Variants in RCHY1 observed in about 807,000 individuals in gnomAD.
RCHY1 encodes the protein RING finger and CHY zinc finger domain-containing protein 1.
Under a neutral mutation model 41.6 loss-of-function variants are expected in RCHY1, and 21 were observed. That is an observed-to-expected ratio of 0.51 (90% CI 0.36 to 0.73). RCHY1 has a LOEUF of 0.73. Ranked by LOEUF, RCHY1 falls within the 30% of genes least tolerant of loss-of-function variation. RCHY1 has a pLI of 0.00. For missense variants in RCHY1, 265 were observed against 325.3 expected (o/e 0.81, Z 1.43); for synonymous variants, 79 against 102.9 (o/e 0.77, Z 1.41).
At chr4:75,506,101 A>AG (rs1248784001) in intron 3 of RCHY1, among the ~76,000 whole-genome samples, 18 of 117,682 alleles carry the variant, frequency 1.5e-4, no homozygotes, top group South Asian at 2.5e-4. Context: ...GAATAAAGGG[A>AG]GGAAAAAAAA....
At chr4:75,487,835 TCATAATATATATTC>T in intron 8 of RCHY1, among the ~76,000 whole-genome samples, 1 of 106,694 alleles carries the variant, frequency 9.4e-6, no homozygotes, top group Admixed American at 1.1e-4. Flanking sequence ...ATATATATAT[TCATAATATATATTC>T]ATAATATATA....
intron 3 of RCHY1, among the ~76,000 whole-genome samples, chr4:75,499,541 T>C (rs529932246): frequency 2.5e-4 from 38 of 152,256 alleles, no homozygotes; most frequent in African/African-American, 8.4e-4. Flanking sequence ...AGTGGATGAA[T>C]GGATAAAGAA....
chr4:75,499,911 C>A (rs952631470), intron 3 of RCHY1, among the ~76,000 whole-genome samples: 2 of 152,158 alleles, frequency 1.3e-5, no homozygotes, highest in Non-Finnish European at 2.9e-5. Context: ...TTCAAACTAG[C>A]TAAAAGAGAA....
In RCHY1 at chr4:75,491,738, T is replaced by C. The variant is rs745362720; in HGVS notation, c.495A>G (p.Gly165=). 1.2e-6 allele frequency: 2 copies of C among 1,612,708 alleles called. No individual in the cohort carries two copies. The highest frequency in any genetic ancestry group is 2.7e-5 in the African/African-American group (2 of 74,854). The change falls in exon 6 of 9, where the codon GGA becomes GGG. Residue 165 remains glycine, a synonymous_variant. Coordinates refer to ENST00000324439, the MANE Select transcript of RCHY1 (RefSeq NM_015436.4). ...TGTTACTTTACCTATGTAAAAGATG[T>C]CCACATGGCAAGACATGAGCAACAA... ...SRVVAHVLPC[G]HLLHRTCYEE... is the part of the protein sequence containing the mutation.
At chr4:75,503,575 A>G (rs948718333) in intron 3 of RCHY1, among the ~76,000 whole-genome samples, 25 of 152,042 alleles carry the variant, frequency 1.6e-4, no homozygotes, top group Admixed American at 4.6e-4. Flanking sequence ...AGTGCCTGTA[A>G]TCCCAGCTAC....
chr4:75,491,931 A>G lies in RCHY1; in HGVS notation c.408T>C (p.Cys136=). The change falls in exon 5 of 9, where the codon TGT becomes TGC. Residue 136 remains cysteine, a splice_region_variant and synonymous_variant. Transcript: ENST00000324439. ...LAMNLQGRHK[C]IENVSRQNCP... ...AATTCTGTCGGGACACATTTTCAATACACTGTTTAAAAGAGAAATTCACAT... is the reference window on the plus strand; with the variant it reads ...AATTCTGTCGGGACACATTTTCAATGCACTGTTTAAAAGAGAAATTCACAT... 1.2e-6 allele frequency: 2 copies of G among 1,601,240 alleles called. No homozygotes were observed. Among genetic ancestry groups the G allele is most frequent in the Non-Finnish European group, 1.7e-6 (2 of 1,174,972 alleles).
rs915777856 is a variant in RCHY1, at chr4:75,480,549, A to G, written c.*1989T>C. On this transcript the variant is annotated 3_prime_UTR_variant, in exon 9 of 9. Coordinates refer to ENST00000324439, the MANE Select transcript of RCHY1 (RefSeq NM_015436.4). Reference sequence around the variant, plus strand: ...TGTCTATGAGGACAACACTTACCCCACAGAATCATTGTAGTAATTAATGCT... The same window carrying G: ...TGTCTATGAGGACAACACTTACCCCGCAGAATCATTGTAGTAATTAATGCT... 6.6e-6 allele frequency: 1 copy of G among 152,220 alleles called. No individual in the cohort carries two copies. The highest frequency in any genetic ancestry group is 2.4e-5 in the African/African-American group (1 of 41,476). The allele number at this position is 152,220 out of a possible 1,614,324, so 9.4% of individuals were successfully genotyped here. A position where few individuals can be genotyped will look rare whatever the true frequency, so the allele number is the denominator to read the frequency against.
At chr4:75,514,488 C>T (rs1003660433), upstream of RCHY1, 6 of 544,152 alleles carry the variant, frequency 1.1e-5, no homozygotes, top group Admixed American at 3.1e-5. Flanking sequence ...CAGTCTCCGT[C>T]GTTGACGTTA....
rs1023677206 is a variant in RCHY1, at chr4:75,481,076, A to G, written c.*1462T>C. The G allele has an allele frequency of 4.6e-5, 7 of 152,306 alleles. No individual in the cohort carries two copies. Among genetic ancestry groups the G allele is most frequent in the African/African-American group, 1.7e-4 (7 of 41,466 alleles). 9.4% of individuals were successfully genotyped at this position (152,306 alleles called of 1,614,324 possible). A position where few individuals can be genotyped will look rare whatever the true frequency, so the allele number is the denominator to read the frequency against. On this transcript the variant is annotated 3_prime_UTR_variant, in exon 9 of 9. Transcript: ENST00000324439. The stretch of plus-strand genomic sequence containing the variant: ...CAGGAACATCCTTTCCCAAATGAAG[A>G]TCAGCACTGCTGCTCTGGCCAGGCC...
In RCHY1 at chr4:75,508,895, T is replaced by A. The variant is rs959988831; in HGVS notation, c.251A>T (p.Glu84Val). Residue 84 changes from glutamate to valine, a missense_variant, in exon 3 of 9, where the codon GAA (glutamate) becomes GTA (valine). Coordinates refer to ENST00000324439, the MANE Select transcript of RCHY1 (RefSeq NM_015436.4). ...TCEECSTLFG[E>V]YYCDICHLFD... ...CAAATGGCATATATCGCAATAATATTCTCCAAACAATGTGCTACATTCTTC... is the reference window on the plus strand; with the variant it reads ...CAAATGGCATATATCGCAATAATATACTCCAAACAATGTGCTACATTCTTC... 25 of 1,611,244 alleles carry A rather than the reference T, an allele frequency of 1.6e-5. No individual in the cohort carries two copies. The highest frequency in any genetic ancestry group is 1.5e-4 in the Admixed American group (9 of 59,510).
intron 3 of RCHY1, among the ~76,000 whole-genome samples, chr4:75,503,464 AG>A (rs960132765): frequency 6.6e-6 from 1 of 152,200 alleles, no homozygotes; most frequent in Non-Finnish European, 1.5e-5. Context: ...TGGGAGGCCA[AG>A]GTGGGCGGAT....
chr4:75,483,309 C>CAAA (rs774476900), intron 8 of RCHY1, among the ~76,000 whole-genome samples: 1 of 152,090 alleles, frequency 6.6e-6, no homozygotes, highest in Non-Finnish European at 1.5e-5. Context: ...AAGAAAAGCA[C>CAAA]TAGTTTTTGA....
At chr4:75,487,313 G>A (rs575390874) in intron 8 of RCHY1, among the ~76,000 whole-genome samples, 2 of 150,996 alleles carry the variant, frequency 1.3e-5, no homozygotes, top group South Asian at 2.1e-4. Flanking sequence ...GAGGAGACAA[G>A]GGGAAACAGA....
At chr4:75,503,048 A>C (rs1203055618) in intron 3 of RCHY1, among the ~76,000 whole-genome samples, 1 of 152,228 alleles carries the variant, frequency 6.6e-6, no homozygotes, top group African/African-American at 2.4e-5. Flanking sequence ...TCTAGACTGA[A>C]GGTTCTCCAC....
chr4:75,507,694 T>C (rs1288976550), intron 3 of RCHY1, among the ~76,000 whole-genome samples: 2 of 152,016 alleles, frequency 1.3e-5, no homozygotes, highest in South Asian at 4.1e-4. Context: ...ATAGATACAG[T>C]AGAGCCTAGG....
chr4:75,505,019 C>T (rs1724160492), intron 3 of RCHY1, among the ~76,000 whole-genome samples: 1 of 152,180 alleles, frequency 6.6e-6, no homozygotes, highest in South Asian at 2.1e-4. Context: ...CGGTCACCAA[C>T]CTTTCTGGCA....
chr4:75,504,256 GTAAA>G (rs1485612147), intron 3 of RCHY1, among the ~76,000 whole-genome samples: 4 of 100,724 alleles, frequency 4.0e-5, no homozygotes, highest in African/African-American at 2.1e-4. Flanking sequence ...CAACTGACAA[GTAAA>G]TACAGTTGAC....
intron 3 of RCHY1, among the ~76,000 whole-genome samples, chr4:75,504,330 C>G (rs188913542): frequency 2.0e-3 from 309 of 152,224 alleles, no homozygotes; most frequent in African/African-American, 7.1e-3. Flanking sequence ...TTTCTTCTAC[C>G]TCTGCCACCC....
Position 75,509,316 on chromosome 4 carries a change from AAG to A in RCHY1, c.91-22_91-21del. The A allele has an allele frequency of 1.2e-6, 2 of 1,605,864 alleles. No individual in the cohort carries two copies. Among genetic ancestry groups the A allele is most frequent in the Non-Finnish European group, 1.7e-6 (2 of 1,177,044 alleles). The stretch of plus-strand genomic sequence containing the variant: ...AGGTGCCTAACACCCACGGAGAAAA[AAG>A]AGATATAGTAAGAAGCAAAAGAAAC... On this transcript the variant is annotated intron_variant, in intron 1 of 8. Coordinates refer to ENST00000324439, the MANE Select transcript of RCHY1 (RefSeq NM_015436.4).
Sources: gnomAD v4.1 joint callset for allele counts (sites outside exome capture counted in the v4.1 genomes callset) on GRCh38, gnomAD v4.1.1 for gene constraint, MANE v1.5 for transcripts, NCBI Gene and HGNC (gene_info 2026-07-23, HGNC 2026-07-21) for gene names.